NNT: variants seen among roughly 807,000 people sequenced by gnomAD.
NNT encodes NAD(P) transhydrogenase, mitochondrial.
NNT carries 50 observed loss-of-function variants against 104.8 expected under a neutral mutation model. That is an observed-to-expected ratio of 0.48 (90% CI 0.38 to 0.60). NNT has a LOEUF of 0.60. Among genes scored for constraint, NNT ranks in the 20% least tolerant of loss-of-function variants. The pLI is 0.00. For missense variants in NNT, 1,131 were observed against 1,330.7 expected (o/e 0.85, Z 2.33); for synonymous variants, 461 against 490.4 (o/e 0.94, Z 0.79).
intron 17 of NNT, among the ~76,000 whole-genome samples, chr5:43,665,112 C>G (rs1269607848): frequency 6.6e-6 from 1 of 152,122 alleles, no homozygotes; most frequent in Non-Finnish European, 1.5e-5. Flanking sequence ...CCCTCTACAT[C>G]TGTACAGCGG....
chr5:43,695,214 G>A (rs572923414), intron 19 of NNT, among the ~76,000 whole-genome samples: 2 of 152,258 alleles, frequency 1.3e-5, no homozygotes, highest in African/African-American at 4.8e-5. Context: ...TCACTTGTCT[G>A]GGCAAAATAA....
chr5:43,666,513 G>A (rs1431390226), intron 17 of NNT, among the ~76,000 whole-genome samples: 1 of 151,932 alleles, frequency 6.6e-6, no homozygotes, highest in African/African-American at 2.4e-5. Flanking sequence ...AATCAGGCAG[G>A]GAGGTTGCAG....
intron 10 of NNT, among the ~76,000 whole-genome samples, chr5:43,648,749 T>C (rs1161969890): frequency 6.6e-6 from 1 of 152,238 alleles, no homozygotes; most frequent in East Asian, 1.9e-4. Flanking sequence ...GGTTGTGTCT[T>C]GCCCAAGTAG....
chr5:43,642,466 T>G (rs1751289299), intron 7 of NNT, among the ~76,000 whole-genome samples: 1 of 152,174 alleles, frequency 6.6e-6, no homozygotes, highest in Non-Finnish European at 1.5e-5. Flanking sequence ...AGGAATACTT[T>G]TGGAGAATTT....
chr5:43,664,819 A>G (rs892513633), intron 17 of NNT, among the ~76,000 whole-genome samples: 35 of 152,350 alleles, frequency 2.3e-4, no homozygotes, highest in African/African-American at 7.7e-4. Flanking sequence ...TTGCAATGGT[A>G]AATTTAGAGA....
chr5:43,611,037 T>C (rs1190942061), intron 2 of NNT, among the ~76,000 whole-genome samples: 1 of 152,140 alleles, frequency 6.6e-6, no homozygotes, highest in African/African-American at 2.4e-5. Flanking sequence ...TCATATTTTT[T>C]CAATTGCTTT....
intron 10 of NNT, among the ~76,000 whole-genome samples, chr5:43,647,084 C>G (rs562959795): frequency 1.3e-5 from 2 of 152,220 alleles, no homozygotes; most frequent in South Asian, 2.1e-4. Context: ...GGACCAGCAC[C>G]AGGCGCATAG....
At chr5:43,681,480 C>A (rs755449422) in intron 19 of NNT, among the ~76,000 whole-genome samples, 3 of 151,942 alleles carry the variant, frequency 2.0e-5, no homozygotes, top group Non-Finnish European at 2.9e-5. Flanking sequence ...CTCACTGCAA[C>A]CTCTGCCTCC....
At position 43,656,745 on chromosome 5, in the gene NNT, A is replaced by G. The variant is rs150925713; in HGVS notation, c.2386A>G (p.Met796Val). 3.3e-5 allele frequency: 54 copies of G among 1,614,066 alleles called. No homozygotes were observed. The African/African-American group carries it at 5.3e-4, about 16-fold the overall frequency. Reference sequence around the variant, plus strand: ...TAGTGTGGGCGGGATAATCCCATTCATGGTGGACCCAAGCTTTACTACTGG... The same window carrying G: ...TAGTGTGGGCGGGATAATCCCATTCGTGGTGGACCCAAGCTTTACTACTGG... ...AASVGGIIPF[M>V]VDPSFTTGIT... is the part of the protein sequence containing the mutation. Residue 796 changes from methionine (M) to valine (V), a missense_variant, in exon 16 of 22, where the codon ATG (methionine) becomes GTG (valine). Physicochemically the swap from Met to Val is conservative, Grantham distance 21. Transcript: ENST00000344920.
chr5:43,608,344 TA>T (rs1749333516), intron 1 of NNT, among the ~76,000 whole-genome samples: 1 of 152,064 alleles, frequency 6.6e-6, no homozygotes, highest in Admixed American at 6.6e-5. Flanking sequence ...GTGGTGGAGG[TA>T]GTTCCTGAAA....
intron 7 of NNT, among the ~76,000 whole-genome samples, chr5:43,642,542 G>T (rs185754998): frequency 1.3e-5 from 2 of 152,128 alleles, no homozygotes; most frequent in Non-Finnish European, 2.9e-5. Context: ...CTTGATTCTT[G>T]CTCTTTCTTG....
intron 4 of NNT, among the ~76,000 whole-genome samples, chr5:43,616,967 A>G (rs886167570): frequency 5.3e-5 from 8 of 152,238 alleles, no homozygotes; most frequent in Non-Finnish European, 1.2e-4. Flanking sequence ...GTGCATAAAA[A>G]GACACTAACA....
intron 17 of NNT, among the ~76,000 whole-genome samples, chr5:43,661,348 T>C (rs1368603111): frequency 6.6e-6 from 1 of 152,160 alleles, no homozygotes; most frequent in African/African-American, 2.4e-5. Context: ...GGGCAGCAGA[T>C]TTTCATTATT....
intron 7 of NNT, among the ~76,000 whole-genome samples, chr5:43,640,657 C>CT (rs796219111): frequency 5.3e-5 from 8 of 150,520 alleles, no homozygotes; most frequent in Admixed American, 6.6e-5. Flanking sequence ...TAAGAGTGAA[C>CT]TTTTTTTTTA....
intron 6 of NNT, among the ~76,000 whole-genome samples, chr5:43,626,097 C>T (rs1310385217): frequency 6.6e-6 from 1 of 151,600 alleles, no homozygotes; most frequent in Non-Finnish European, 1.5e-5. Flanking sequence ...TATACATGTA[C>T]ATACAGTAAG....
At position 43,706,937 on chromosome 5, in the gene NNT, A is replaced by T. The variant is rs1206523238; in HGVS notation, c.*2533A>T. 6.6e-6 allele frequency: 1 copy of T among 152,318 alleles called. No homozygotes were observed. The highest frequency in any genetic ancestry group is 2.4e-5 in the African/African-American group (1 of 41,456). 9.4% of individuals were successfully genotyped at this position (152,318 alleles called of 1,614,324 possible). On this transcript the variant is annotated 3_prime_UTR_variant, in exon 22 of 22. Coordinates refer to ENST00000344920, the MANE Select transcript of NNT (RefSeq NM_182977.3). ...TTGAACAATGAGAACACTTGGACACAAGGTGGGGAACACCACACACCAGGG... is the reference window on the plus strand; with the variant it reads ...TTGAACAATGAGAACACTTGGACACTAGGTGGGGAACACCACACACCAGGG...
intron 5 of NNT, among the ~76,000 whole-genome samples, chr5:43,619,748 C>G (rs1409392701): frequency 6.6e-6 from 1 of 152,114 alleles, no homozygotes; most frequent in Admixed American, 6.5e-5. Context: ...TTTTGTGTTA[C>G]TAAAAGAGAA....
chr5:43,662,544 T>A (rs1023494322), intron 17 of NNT, among the ~76,000 whole-genome samples: 4 of 151,982 alleles, frequency 2.6e-5, no homozygotes, highest in Non-Finnish European at 5.9e-5. Flanking sequence ...ACCATAAATA[T>A]CATATTGGGT....
At position 43,682,208 on chromosome 5, in the gene NNT, CTTTT is replaced by C. The variant is rs71610326; in HGVS notation, c.2876+4421_2876+4424del. ...GTCCATCTAACTGTCTAACTGGATTCTTTTTTTTTTTTTTTTTTTTTTGTTGGAA... is the reference window on the plus strand; with the variant it reads ...GTCCATCTAACTGTCTAACTGGATTCTTTTTTTTTTTTTTTTTTGTTGGAA... On this transcript the variant is annotated intron_variant, in intron 19 of 21. Transcript: ENST00000344920. 3.9e-4 allele frequency among the ~76,000 whole-genome samples: 39 copies of C among 100,246 alleles called. No individual in the cohort carries two copies. The East Asian group carries it at 0.01, about 27-fold the overall frequency. The allele number at this position is 100,246 out of a possible 152,430, so 65.8% of individuals were successfully genotyped here.
Sources: allele counts gnomAD v4.1 joint callset (sites outside exome capture counted in the v4.1 genomes callset), GRCh38; gene constraint gnomAD v4.1.1; transcripts MANE v1.5; gene names NCBI Gene and HGNC (gene_info 2026-07-23, HGNC 2026-07-21).